Variants in RNF111 observed in about 807,000 individuals in gnomAD.
RNF111 encodes E3 ubiquitin-protein ligase Arkadia.
RNF111 carries 17 observed loss-of-function variants against 95.1 expected under a neutral mutation model. That is an observed-to-expected ratio of 0.18 (90% CI 0.12 to 0.27). RNF111 has a LOEUF of 0.27. Ranked by LOEUF, RNF111 falls within the 10% of genes least tolerant of loss-of-function variation. RNF111 has a pLI of 1.00. For missense variants in RNF111, 1,189 were observed against 1,210.4 expected (o/e 0.98, Z 0.26); for synonymous variants, 440 against 414.8 (o/e 1.06, Z -0.74).
chr15:59,008,630 C>A (rs2039650215), intron 1 of RNF111, among the ~76,000 whole-genome samples: 1 of 152,224 alleles, frequency 6.6e-6, no homozygotes, highest in South Asian at 2.1e-4. Flanking sequence ...TCTGTCCTTA[C>A]ACCAATAGCC....
chr15:59,084,340 C>T, intron 9 of RNF111, 86 bp downstream of exon 9: 2 of 1,295,144 alleles, frequency 1.5e-6, no homozygotes, highest in Middle Eastern at 2.6e-4. Flanking sequence ...GATTGCTTTG[C>T]AGAAGGATGA....
chr15:59,096,060 T>C lies in RNF111; in HGVS notation c.*1160T>C. 2.5e-6 allele frequency: 1 copy of C among 398,702 alleles called. No individual in the cohort carries two copies. Among genetic ancestry groups the C allele is most frequent in the Non-Finnish European group, 4.4e-6 (1 of 225,870 alleles). The allele number at this position is 398,702 out of a possible 1,614,324, so 24.7% of individuals were successfully genotyped here. A position where few individuals can be genotyped will look rare whatever the true frequency, so the allele number is the denominator to read the frequency against. On this transcript the variant is annotated 3_prime_UTR_variant, in exon 14 of 14. Transcript: ENST00000348370. ...TCAACCTACTGTTGCTATGGTTATA[T>C]ACTCCCACTTCATACATTACCAAGA...
chr15:59,065,988 C>T (rs2042639151), intron 5 of RNF111, among the ~76,000 whole-genome samples: 1 of 152,080 alleles, frequency 6.6e-6, no homozygotes, highest in Admixed American at 6.5e-5. Flanking sequence ...TCACCAGATA[C>T]ACTCTGACTT....
intron 7 of RNF111, 126 bp from the exon 8 acceptor site, chr15:59,080,810 T>C (rs944850127): frequency 8.1e-6 from 6 of 743,808 alleles, no homozygotes; most frequent in Non-Finnish European, 1.3e-5. Flanking sequence ...TTGAATACTT[T>C]ACTTGATAAA....
At chr15:59,057,714 G>T (rs1566918319) in intron 4 of RNF111, among the ~76,000 whole-genome samples, 3 of 152,086 alleles carry the variant, frequency 2.0e-5, no homozygotes, top group African/African-American at 7.2e-5. Context: ...CATATAAAAA[G>T]GCATGGAAAG....
intron 5 of RNF111, among the ~76,000 whole-genome samples, chr15:59,065,131 C>T (rs1476848036): frequency 4.0e-5 from 6 of 151,892 alleles, no homozygotes; most frequent in Admixed American, 1.3e-4. Context: ...AGTAATGTTC[C>T]AGAATTCTAA....
At chr15:59,034,133 C>G (rs2041054218) in intron 2 of RNF111, among the ~76,000 whole-genome samples, 1 of 152,172 alleles carries the variant, frequency 6.6e-6, no homozygotes, top group African/African-American at 2.4e-5. Context: ...AATAATGTGG[C>G]TCTTTTTATA....
At chr15:59,018,718 C>T (rs570202841) in intron 1 of RNF111, among the ~76,000 whole-genome samples, 2 of 152,242 alleles carry the variant, frequency 1.3e-5, no homozygotes, top group South Asian at 4.2e-4. Context: ...TAATAGCAGA[C>T]TTACTTGTAG....
intron 6 of RNF111, among the ~76,000 whole-genome samples, chr15:59,073,069 G>T (rs1412369144): frequency 2.0e-5 from 3 of 152,092 alleles, no homozygotes; most frequent in Non-Finnish European, 4.4e-5. Context: ...CTACTTGGGA[G>T]GCTGAAGTTG....
rs745636918 is a variant in RNF111, at chr15:59,052,268, G to A, written c.881-37G>A. Reference sequence around the variant, plus strand: ...TTTCTGCCTAACGATTAGCTGACAGGAAGATGCCTTTAAATGTTTTTTCTT... The same window carrying A: ...TTTCTGCCTAACGATTAGCTGACAGAAAGATGCCTTTAAATGTTTTTTCTT... On this transcript the variant is annotated intron_variant, in intron 2 of 13. Coordinates refer to ENST00000348370, the MANE Select transcript of RNF111 (RefSeq NM_017610.8). 65 of 1,512,418 alleles carry A rather than the reference G, an allele frequency of 4.3e-5. No homozygotes were observed. The Middle Eastern group carries it at 7.0e-4, about 16-fold the overall frequency. The allele number at this position is 1,512,418 out of a possible 1,614,324, so 93.7% of individuals were successfully genotyped here.
At chr15:59,055,263 C>T (rs1322663248) in intron 3 of RNF111, among the ~76,000 whole-genome samples, 1 of 152,096 alleles carries the variant, frequency 6.6e-6, no homozygotes, top group Non-Finnish European at 1.5e-5. Context: ...TTAGGACTCC[C>T]AAAGGAATGT....
At chr15:59,043,534 T>C (rs1193765239) in intron 2 of RNF111, among the ~76,000 whole-genome samples, 1 of 152,166 alleles carries the variant, frequency 6.6e-6, no homozygotes, top group Non-Finnish European at 1.5e-5. Context: ...GTCATGAAGA[T>C]GAGATACGAC....
intron 1 of RNF111, among the ~76,000 whole-genome samples, chr15:59,027,920 G>T (rs1199993788): frequency 6.7e-6 from 1 of 150,022 alleles, no homozygotes; most frequent in Non-Finnish European, 1.5e-5. Context: ...CTGCCTCCCT[G>T]GTTCAAGCAA....
intron 5 of RNF111, among the ~76,000 whole-genome samples, chr15:59,066,430 G>A (rs1300246101): frequency 2.0e-5 from 3 of 152,120 alleles, no homozygotes; most frequent in Non-Finnish European, 2.9e-5. Flanking sequence ...GACCAACATG[G>A]AGAAACCCCA....
Position 59,066,935 on chromosome 15 carries a change from A to G in RNF111, c.1538A>G (p.Gln513Arg). 6.2e-7 allele frequency: 1 copy of G among 1,613,980 alleles called. No individual in the cohort carries two copies. The highest frequency in any genetic ancestry group is 8.5e-7 in the Non-Finnish European group (1 of 1,179,968). ...SCFQQHGHHF[Q>R]HHHHHHHTPH... ...TTTCAGCAGCATGGTCACCATTTTC[A>G]ACATCATCACCACCACCACCATACT... is the stretch of plus-strand genomic sequence containing the variant. The change falls in exon 6 of 14, where the codon CAA becomes CGA. Residue 513 changes from glutamine (Q) to arginine (R), a missense_variant. Around this residue, in one of 2 missense-constraint regions of RNF111, gnomAD observed 1,024 missense variants for 925.9 expected, o/e 1.11. Transcript: ENST00000348370.
intron 6 of RNF111, among the ~76,000 whole-genome samples, chr15:59,070,131 T>TTC (rs2042853484): frequency 6.9e-6 from 1 of 145,662 alleles, no homozygotes; most frequent in South Asian, 2.3e-4. Flanking sequence ...TGCCCCAGAC[T>TTC]TCTAATTGGC....
At chr15:59,061,171 T>G (rs1421357725) in intron 5 of RNF111, among the ~76,000 whole-genome samples, 1 of 152,180 alleles carries the variant, frequency 6.6e-6, no homozygotes, top group African/African-American at 2.4e-5. Context: ...CCAAAAACTT[T>G]TATATATAAA....
intron 1 of RNF111, among the ~76,000 whole-genome samples, chr15:58,993,328 G>T (rs1009427021): frequency 9.9e-5 from 15 of 152,214 alleles, no homozygotes; most frequent in African/African-American, 3.6e-4. Flanking sequence ...GGCCAACATG[G>T]TGAAACCTTG....
At chr15:59,049,127 C>T (rs1207721611) in intron 2 of RNF111, among the ~76,000 whole-genome samples, 1 of 152,140 alleles carries the variant, frequency 6.6e-6, no homozygotes, top group Non-Finnish European at 1.5e-5. Flanking sequence ...TGAAACAGAT[C>T]TCCAGAACTT....
Sources: allele counts gnomAD v4.1 joint callset (sites outside exome capture counted in the v4.1 genomes callset), GRCh38; gene constraint gnomAD v4.1.1; regional missense constraint gnomAD v4.1.1; transcripts MANE v1.5; gene names NCBI Gene and HGNC (gene_info 2026-07-23, HGNC 2026-07-21).